TGDS: variants seen among roughly 807,000 people sequenced by gnomAD.
TGDS encodes UDP-D-glucose 4,6-dehydratase.
TGDS carries 47 observed loss-of-function variants against 52.3 expected under a neutral mutation model. The ratio of observed to expected loss-of-function variants is 0.90; its 90% confidence interval spans 0.71 to 1.15. TGDS has a LOEUF of 1.15. Ranked by LOEUF, TGDS falls within the 50% of genes most tolerant of loss-of-function variation. The probability of loss-of-function intolerance (pLI) is 0.00; values close to 1 mark genes in which losing one functional copy is unlikely to be tolerated. For missense variants in TGDS, 375 were observed against 418.4 expected, an observed-to-expected ratio of 0.90 and a Z score of 0.90; for synonymous variants, 115 against 136.9, an observed-to-expected ratio of 0.84 and a Z score of 1.12.
intron 4 of TGDS, among the ~76,000 whole-genome samples, chr13:94,590,540 C>CAT (rs769372297): frequency 6.6e-6 from 1 of 152,096 alleles, no homozygotes; most frequent in Non-Finnish European, 1.5e-5. Context: ...TGTCCATCTG[C>CAT]ATACCCACAA....
chr13:94,586,528 G>A (rs1308680351), intron 4 of TGDS, among the ~76,000 whole-genome samples: 1 of 152,152 alleles, frequency 6.6e-6, no homozygotes, highest in Non-Finnish European at 1.5e-5. Context: ...TGGACCCAAT[G>A]TTTGCAAGTT....
chr13:94,578,203 T>C (rs1423282001), intron 8 of TGDS, 33 bp from the exon 9 acceptor site: 1 of 1,606,496 alleles, frequency 6.2e-7, no homozygotes, highest in Admixed American at 1.7e-5. Flanking sequence ...AATCATAAAG[T>C]GTAAAAAGGT....
intron 4 of TGDS, among the ~76,000 whole-genome samples, chr13:94,588,212 T>C (rs1204128890): frequency 6.7e-6 from 1 of 149,394 alleles, no homozygotes; most frequent in African/African-American, 2.5e-5. Flanking sequence ...TCGTCTGAGG[T>C]TGGGAGTTCA....
chr13:94,593,793 A>T, intron 2 of TGDS, 48 bp downstream of exon 2: 1 of 1,254,576 alleles, frequency 8.0e-7, no homozygotes, highest in Non-Finnish European at 1.1e-6. Context: ...AGAAAACATA[A>T]ATTGAAATGT....
chr13:94,579,927 A>C lies in TGDS; in HGVS notation c.582T>G (p.Ser194Arg), dbSNP rs2139519010. ...GATATTGATGTGGTCCATAAACATT[A>C]CTGCTTCTTGTGATGACAACTGGAA... is the stretch of plus-strand genomic sequence containing the variant. Reference protein sequence around the residue: ...YKFPVVITRSSNVYGPHQYPE... With the variant: ...YKFPVVITRSRNVYGPHQYPE... The change falls in exon 7 of 12, where the codon AGT becomes AGG. Residue 194 changes from serine (S) to arginine (R), a missense_variant. Physicochemically the swap from Ser to Arg is moderately radical, Grantham distance 110 (BLOSUM62 -1). Transcript: ENST00000261296. 1.9e-6 allele frequency: 3 copies of C among 1,604,750 alleles called. No individual in the cohort carries two copies. The highest frequency in any genetic ancestry group is 2.6e-6 in the Non-Finnish European group (3 of 1,173,662).
rs1223626033 is a variant in TGDS, at chr13:94,574,119, T to C, written c.*663A>G. 1 of 152,154 alleles carries C rather than the reference T, an allele frequency of 6.6e-6. No individual in the cohort carries two copies. The allele number at this position is 152,154 out of a possible 1,614,324, so 9.4% of individuals were successfully genotyped here. A position where few individuals can be genotyped will look rare whatever the true frequency, so the allele number is the denominator to read the frequency against. ...AACATTATTTTAAAAAGCAATATTC[T>C]ACATTAAATACATTAAGATATTGAC... On this transcript the variant is annotated 3_prime_UTR_variant, in exon 12 of 12. Coordinates refer to ENST00000261296, the MANE Select transcript of TGDS (RefSeq NM_014305.4).
chr13:94,588,869 C>G (rs550480417), intron 4 of TGDS, among the ~76,000 whole-genome samples: 18 of 152,182 alleles, frequency 1.2e-4, no homozygotes, highest in Admixed American at 1.1e-3. Flanking sequence ...CAAAAATAAA[C>G]TTGATATGAC....
intron 2 of TGDS, 110 bp downstream of exon 2, chr13:94,593,731 A>C (rs1441590433): frequency 1.2e-6 from 1 of 826,998 alleles, no homozygotes; most frequent in Admixed American, 2.6e-5. Context: ...GAATTGCTAA[A>C]ATGACTAAAT....
At chr13:94,580,384 T>A (rs1160340335) in intron 6 of TGDS, among the ~76,000 whole-genome samples, 1 of 152,174 alleles carries the variant, frequency 6.6e-6, no homozygotes. Flanking sequence ...GGTGAGGGAA[T>A]CTTTAGGAAT....
At chr13:94,588,162 T>C (rs1889065953) in intron 4 of TGDS, among the ~76,000 whole-genome samples, 1 of 151,552 alleles carries the variant, frequency 6.6e-6, no homozygotes. Flanking sequence ...TCCCAGCACT[T>C]TGGGAGGCTG....
upstream of TGDS, chr13:94,596,238 T>G (rs1296592013): frequency 6.9e-6 from 9 of 1,301,000 alleles, no homozygotes; most frequent in Non-Finnish European, 9.5e-6. Context: ...GCGGGACACG[T>G]TAACAGAGCA....
At chr13:94,579,765 T>C in intron 7 of TGDS, 129 bp downstream of exon 7, 1 of 567,720 alleles carries the variant, frequency 1.8e-6, no homozygotes, top group Non-Finnish European at 3.0e-6. Context: ...CAAGTGGTGT[T>C]ATACAGCATA....
Position 94,578,086 on chromosome 13 carries a change from T to C in TGDS, c.744A>G (p.Lys248=). ...VVEAFLTVLK[K]GKPGEIYNIG... ...TGTTATAAATTTCACCTGGTTTCCC[T>C]TTTTTGAGGACAGTGAGAAATGCTT... The change falls in exon 9 of 12, where the codon AAA becomes AAG. Residue 248 remains lysine (K), a synonymous_variant. Transcript: ENST00000261296. The C allele has an allele frequency of 1.9e-6, 3 of 1,613,746 alleles. No individual in the cohort carries two copies. The highest frequency in any genetic ancestry group is 2.5e-6 in the Non-Finnish European group (3 of 1,179,792).
intron 8 of TGDS, 98 bp from the exon 9 acceptor site, chr13:94,578,268 T>C: frequency 9.1e-7 from 1 of 1,103,900 alleles, no homozygotes; most frequent in Non-Finnish European, 1.3e-6. Flanking sequence ...CTAATTCCCA[T>C]GGGGATCCCA....
chr13:94,574,082 C>T lies in TGDS; in HGVS notation c.*700G>A, dbSNP rs2139508333. 1 of 151,858 alleles carries T rather than the reference C, an allele frequency of 6.6e-6. No individual in the cohort carries two copies. Among genetic ancestry groups the T allele is most frequent in the African/African-American group, 2.4e-5 (1 of 41,426 alleles). The allele number at this position is 151,858 out of a possible 1,614,324, so 9.4% of individuals were successfully genotyped here. On this transcript the variant is annotated 3_prime_UTR_variant, in exon 12 of 12. Transcript: ENST00000261296. ...AATCAAATTTTTTTTTATTTTTCTA[C>T]AGCAAAATAAAAACATTATTTTAAA...
intron 11 of TGDS, 47 bp from the exon 12 acceptor site, chr13:94,574,899 A>AAACT (rs1888543952): frequency 1.6e-6 from 2 of 1,279,782 alleles, no homozygotes; most frequent in Admixed American, 4.1e-5. Flanking sequence ...AAAGAAAGAA[A>AAACT]AACTAAACAT....
upstream of TGDS, chr13:94,596,250 C>T (rs1365634655): frequency 2.0e-5 from 24 of 1,174,144 alleles, no homozygotes; most frequent in Non-Finnish European, 2.7e-5. Context: ...AACAGAGCAG[C>T]CAGAGGCAGC....
chr13:94,590,764 T>G, intron 4 of TGDS, 89 bp downstream of exon 4: 4 of 1,033,466 alleles, frequency 3.9e-6, no homozygotes, highest in Non-Finnish European at 5.5e-6. Context: ...TAGTACAGTA[T>G]GATATATCCT....
Position 94,596,128 on chromosome 13 carries a change from C to A in TGDS, c.9G>T (p.Ala3=). 2 of 1,614,094 alleles carry A rather than the reference C, an allele frequency of 1.2e-6. No homozygotes were observed. The highest frequency in any genetic ancestry group is 1.7e-6 in the Non-Finnish European group (2 of 1,179,978). Residue 3 remains alanine (A), a synonymous_variant, in exon 1 of 12, where the codon GCG becomes GCT. Transcript: ENST00000261296. ...GACCCCACGGTTCCTCCCAACACGCCGCCGACATCTCCCAGCTCAGCAGTG... is the reference window on the plus strand; with the variant it reads ...GACCCCACGGTTCCTCCCAACACGCAGCCGACATCTCCCAGCTCAGCAGTG... The part of the protein sequence containing the change: MS[A]ACWEEPWGLP...
Sources: gnomAD v4.1 joint callset for allele counts (sites outside exome capture counted in the v4.1 genomes callset) on GRCh38, gnomAD v4.1.1 for gene constraint, MANE v1.5 for transcripts, NCBI Gene and HGNC (gene_info 2026-07-23, HGNC 2026-07-21) for gene names.